Variants in FAF1 observed in about 807,000 individuals in gnomAD.
FAF1 encodes Fas associated factor 1, also known as FAS-associated factor 1.
Under a neutral mutation model 92.5 loss-of-function variants are expected in FAF1, and 25 were observed. That is an observed-to-expected ratio of 0.27 (90% CI 0.20 to 0.38). FAF1 has a LOEUF of 0.38. Among genes scored for constraint, FAF1 ranks in the 10% least tolerant of loss-of-function variants. FAF1 has a pLI of 1.00. For synonymous variants in FAF1, 234 were observed against 273.2 expected (o/e 0.86, Z 1.42); for missense variants, 636 against 793.3 (o/e 0.80, Z 2.38).
At chr1:50,700,271 T>C (rs1657409475) in intron 7 of FAF1, among the ~76,000 whole-genome samples, 1 of 151,954 alleles carries the variant, frequency 6.6e-6, no homozygotes, top group Admixed American at 6.6e-5. Context: ...CTAGAATTAA[T>C]TTACTTGCAC....
At chr1:50,868,041 G>A (rs1214890782) in intron 1 of FAF1, among the ~76,000 whole-genome samples, 3 of 152,180 alleles carry the variant, frequency 2.0e-5, no homozygotes, top group South Asian at 2.1e-4. Flanking sequence ...CCTAGAAGGA[G>A]TTGAAGACCA....
chr1:50,948,846 A>T (rs143776439), intron 1 of FAF1, among the ~76,000 whole-genome samples: 1 of 152,062 alleles, frequency 6.6e-6, no homozygotes, highest in Admixed American at 6.5e-5. Flanking sequence ...AAACAATCAG[A>T]TCTCACGTGA....
At chr1:50,533,421 A>T (rs1648290223) in intron 15 of FAF1, among the ~76,000 whole-genome samples, 1 of 152,000 alleles carries the variant, frequency 6.6e-6, no homozygotes, top group South Asian at 2.1e-4. Flanking sequence ...AAGTTACTTT[A>T]TTTTATGTAA....
intron 18 of FAF1, among the ~76,000 whole-genome samples, chr1:50,471,745 T>C (rs1646575290): frequency 6.6e-6 from 1 of 152,148 alleles, no homozygotes. Context: ...CCATTCCTCA[T>C]CCTCCTTTCC....
intron 15 of FAF1, among the ~76,000 whole-genome samples, chr1:50,506,315 G>A (rs2149019313): frequency 6.6e-6 from 1 of 152,212 alleles, no homozygotes; most frequent in South Asian, 2.1e-4. Context: ...CAGCTTCACT[G>A]TCTGCTTTCC....
chr1:50,460,425 T>G (rs369156147), intron 18 of FAF1, among the ~76,000 whole-genome samples: 2 of 152,346 alleles, frequency 1.3e-5, no homozygotes, highest in East Asian at 3.9e-4. Context: ...CTGTCTAGTG[T>G]TCCTAAGTAA....
intron 2 of FAF1, among the ~76,000 whole-genome samples, chr1:50,827,387 G>A (rs868152156): frequency 4.6e-4 from 70 of 152,278 alleles, no homozygotes; most frequent in Middle Eastern, 6.8e-3. Flanking sequence ...AATGGATTAA[G>A]GGTGGTGCAA....
At chr1:50,795,073 T>C (rs893375816) in intron 3 of FAF1, among the ~76,000 whole-genome samples, 1 of 152,154 alleles carries the variant, frequency 6.6e-6, no homozygotes, top group African/African-American at 2.4e-5. Context: ...TGCATTAATG[T>C]ACAATGTGGC....
chr1:50,546,200 T>C (rs1218675305), intron 13 of FAF1, among the ~76,000 whole-genome samples: 2 of 152,084 alleles, frequency 1.3e-5, no homozygotes, highest in Non-Finnish European at 2.9e-5. Flanking sequence ...AAAATTATAG[T>C]ATATTATGGA....
intron 1 of FAF1, among the ~76,000 whole-genome samples, chr1:50,926,542 T>G (rs1645007285): frequency 6.6e-6 from 1 of 152,018 alleles, no homozygotes; most frequent in African/African-American, 2.4e-5. Context: ...AACTATAATT[T>G]ATTGTATATT....
intron 7 of FAF1, among the ~76,000 whole-genome samples, chr1:50,691,858 A>G (rs1656944064): frequency 6.6e-6 from 1 of 152,176 alleles, no homozygotes; most frequent in Non-Finnish European, 1.5e-5. Context: ...ATAATTGTGT[A>G]TATTTATGGG....
chr1:50,556,853 T>TAA (rs56908494), intron 13 of FAF1, among the ~76,000 whole-genome samples: 2,880 of 151,302 alleles, frequency 0.019, 92 homozygotes, highest in African/African-American at 0.067. Context: ...TAAAATAAAA[T>TAA]AATATAAAAT....
At chr1:50,492,916 A>G (rs1490881797) in intron 15 of FAF1, among the ~76,000 whole-genome samples, 2 of 152,190 alleles carry the variant, frequency 1.3e-5, no homozygotes, top group African/African-American at 4.8e-5. Flanking sequence ...TTCAAATAAA[A>G]ATTAGAAAGA....
At chr1:50,694,038 A>G (rs915172646) in intron 7 of FAF1, among the ~76,000 whole-genome samples, 20 of 152,006 alleles carry the variant, frequency 1.3e-4, no homozygotes, top group Non-Finnish European at 5.9e-5. Context: ...TATATGACAT[A>G]TACATGACAT....
At chr1:50,954,014 T>C (rs1271190165) in intron 1 of FAF1, among the ~76,000 whole-genome samples, 2 of 151,950 alleles carry the variant, frequency 1.3e-5, no homozygotes, top group African/African-American at 4.8e-5. Flanking sequence ...AGTGGCGCGA[T>C]CTCGGCTCAC....
intron 7 of FAF1, among the ~76,000 whole-genome samples, chr1:50,673,060 C>T (rs748649507): frequency 3.9e-5 from 6 of 152,072 alleles, no homozygotes; most frequent in Admixed American, 6.6e-5. Flanking sequence ...GAGTTCGAGA[C>T]CAGCCTGACC....
chr1:50,831,347 T>G (rs1169417952), intron 2 of FAF1, among the ~76,000 whole-genome samples: 1 of 152,150 alleles, frequency 6.6e-6, no homozygotes, highest in Admixed American at 6.5e-5. Flanking sequence ...TCCTCAAGAT[T>G]TAAATGTGCA....
At chr1:50,547,791 A>G (rs765949760) in intron 13 of FAF1, among the ~76,000 whole-genome samples, 7 of 152,236 alleles carry the variant, frequency 4.6e-5, no homozygotes, top group Non-Finnish European at 1.0e-4. Context: ...TGAGGCACTT[A>G]AAGTTTAATA....
chr1:50,524,758 A>G (rs984191095), intron 15 of FAF1, among the ~76,000 whole-genome samples: 3 of 152,140 alleles, frequency 2.0e-5, no homozygotes, highest in African/African-American at 7.2e-5. Flanking sequence ...CTGTTTTTGT[A>G]CCAGTACCAT....
Sources: gnomAD v4.1 joint callset for allele counts (sites outside exome capture counted in the v4.1 genomes callset) on GRCh38, gnomAD v4.1.1 for gene constraint, MANE v1.5 for transcripts, NCBI Gene and HGNC (gene_info 2026-07-23, HGNC 2026-07-21) for gene names.